The following GALNTL6 variants were observed in gnomAD, a reference collection of about 807,000 sequenced individuals.
The protein encoded by GALNTL6 is polypeptide N-acetylgalactosaminyltransferase-like 6.
Under a neutral mutation model 73.7 loss-of-function variants are expected in GALNTL6, and 46 were observed. The ratio of observed to expected loss-of-function variants is 0.62; its 90% CI spans 0.49 to 0.80. The LOEUF is 0.80. Ranked by LOEUF, GALNTL6 falls within the 30% of genes least tolerant of loss-of-function variation. The pLI, the probability that GALNTL6 is intolerant of heterozygous loss-of-function variation, is 0.00. For missense variants in GALNTL6, 604 were observed against 755.0 expected, an observed-to-expected ratio of 0.80 and a Z score of 2.34; for synonymous variants, 259 against 263.7, an observed-to-expected ratio of 0.98 and a Z score of 0.17.
intron 5 of GALNTL6, among the ~76,000 whole-genome samples, chr4:172,680,591 G>A (rs976512350): frequency 6.6e-6 from 1 of 151,958 alleles, no homozygotes; most frequent in Non-Finnish European, 1.5e-5. Flanking sequence ...TTTGCCATTT[G>A]TCATCTGTAA....
intron 10 of GALNTL6, among the ~76,000 whole-genome samples, chr4:172,969,615 C>T (rs530835578): frequency 2.6e-4 from 39 of 152,180 alleles, no homozygotes; most frequent in African/African-American, 7.5e-4. Flanking sequence ...CATTTTGTAC[C>T]AGAAGACAAT....
chr4:172,935,818 C>T (rs1378746475), intron 9 of GALNTL6, among the ~76,000 whole-genome samples: 2 of 152,136 alleles, frequency 1.3e-5, no homozygotes, highest in South Asian at 4.1e-4. Context: ...AAGTCCAGGA[C>T]CAGACGGATT....
chr4:172,813,210 C>T (rs921258274), intron 6 of GALNTL6, among the ~76,000 whole-genome samples: 2 of 152,198 alleles, frequency 1.3e-5, no homozygotes, highest in African/African-American at 2.4e-5. Flanking sequence ...ACTGTTTATA[C>T]TCTGCACATG....
At chr4:172,181,300 A>T (rs1735235313) in intron 2 of GALNTL6, among the ~76,000 whole-genome samples, 1 of 152,208 alleles carries the variant, frequency 6.6e-6, no homozygotes, top group Admixed American at 6.5e-5. Flanking sequence ...CCTGGGATGC[A>T]AGGTTGGTTC....
At chr4:173,025,722 C>T (rs773697071) in intron 12 of GALNTL6, among the ~76,000 whole-genome samples, 16 of 152,218 alleles carry the variant, frequency 1.1e-4, no homozygotes, top group Non-Finnish European at 1.8e-4. Context: ...GGATCCTTCA[C>T]AACCTGGCCA....
At chr4:172,634,025 C>A (rs547009717) in intron 5 of GALNTL6, among the ~76,000 whole-genome samples, 46 of 152,304 alleles carry the variant, frequency 3.0e-4, no homozygotes, top group Middle Eastern at 3.4e-3. Context: ...TCTCTGGGAA[C>A]AGGCTAATAC....
intron 3 of GALNTL6, among the ~76,000 whole-genome samples, chr4:172,270,712 C>G (rs1409820629): frequency 7.6e-6 from 1 of 131,382 alleles, no homozygotes; most frequent in Non-Finnish European, 1.7e-5. Flanking sequence ...CTTATACTTT[C>G]TTGATAGGTA....
At chr4:171,958,141 G>C (rs1739112594) in intron 2 of GALNTL6, among the ~76,000 whole-genome samples, 1 of 152,068 alleles carries the variant, frequency 6.6e-6, no homozygotes, top group African/African-American at 2.4e-5. Flanking sequence ...TCTTCCTAGT[G>C]ATTACTGATA....
chr4:172,631,959 G>A (rs572421266), intron 5 of GALNTL6, among the ~76,000 whole-genome samples: 1 of 152,152 alleles, frequency 6.6e-6, no homozygotes, highest in South Asian at 2.1e-4. Flanking sequence ...TGAATATGTG[G>A]TAGTGAATAA....
chr4:172,294,244 T>G (rs1739580544), intron 3 of GALNTL6, among the ~76,000 whole-genome samples: 1 of 152,184 alleles, frequency 6.6e-6, no homozygotes, highest in Non-Finnish European at 1.5e-5. Context: ...TACCAATGGC[T>G]TCTTTATTTT....
intron 12 of GALNTL6, among the ~76,000 whole-genome samples, chr4:173,029,787 C>T (rs1035972335): frequency 1.3e-5 from 2 of 152,176 alleles, no homozygotes; most frequent in African/African-American, 4.8e-5. Context: ...CCATTAAACT[C>T]TATCCTATTA....
intron 5 of GALNTL6, among the ~76,000 whole-genome samples, chr4:172,405,888 C>G (rs191606284): frequency 6.6e-6 from 1 of 151,924 alleles, no homozygotes; most frequent in Non-Finnish European, 1.5e-5. Flanking sequence ...AGGGCATTCA[C>G]GGAAGAGCCC....
chr4:171,925,753 G>T (rs1417532303), intron 2 of GALNTL6, among the ~76,000 whole-genome samples: 1 of 152,016 alleles, frequency 6.6e-6, no homozygotes, highest in Non-Finnish European at 1.5e-5. Context: ...TGTGAAAGAA[G>T]CATTTGTTTT....
intron 3 of GALNTL6, among the ~76,000 whole-genome samples, chr4:172,285,494 A>G (rs1439154604): frequency 6.6e-6 from 1 of 152,184 alleles, no homozygotes; most frequent in South Asian, 2.1e-4. Flanking sequence ...AATAAATTCT[A>G]GAAAGCCCCT....
chr4:172,223,589 C>A (rs879735914), intron 2 of GALNTL6, among the ~76,000 whole-genome samples: 1 of 151,962 alleles, frequency 6.6e-6, no homozygotes, highest in Non-Finnish European at 1.5e-5. Context: ...CATTTCTTAA[C>A]ATTTTTCTAA....
chr4:172,684,643 T>A (rs1732816037), intron 5 of GALNTL6, among the ~76,000 whole-genome samples: 1 of 152,114 alleles, frequency 6.6e-6, no homozygotes. Flanking sequence ...TAAAGGCATT[T>A]TAGGAAGGTT....
At chr4:172,346,974 CTTTTG>C (rs1237051968) in intron 4 of GALNTL6, among the ~76,000 whole-genome samples, 2 of 138,038 alleles carry the variant, frequency 1.4e-5, no homozygotes, top group East Asian at 4.3e-4. Context: ...TTTTTCTTTT[CTTTTG>C]TTTTCTTTCT....
chr4:171,881,878 G>A (rs1560824933), intron 2 of GALNTL6, among the ~76,000 whole-genome samples: 1 of 152,130 alleles, frequency 6.6e-6, no homozygotes, highest in Admixed American at 6.6e-5. Flanking sequence ...TGTTTGTTTA[G>A]TAGTATATGT....
chr4:171,977,631 A>G (rs564042213), intron 2 of GALNTL6, among the ~76,000 whole-genome samples: 18 of 152,266 alleles, frequency 1.2e-4, no homozygotes, highest in Admixed American at 2.6e-4. Context: ...AATTACAGTC[A>G]CATCTGATGT....
Sources: gnomAD v4.1 joint callset for allele counts (sites outside exome capture counted in the v4.1 genomes callset) on GRCh38, gnomAD v4.1.1 for gene constraint, MANE v1.5 for transcripts, NCBI Gene and HGNC (gene_info 2026-07-23, HGNC 2026-07-21) for gene names.